Variants in SNRPB observed in about 807,000 individuals in gnomAD.
The protein encoded by SNRPB is small nuclear ribonucleoprotein-associated proteins B and B'.
Under a neutral mutation model 26.6 loss-of-function variants are expected in SNRPB, and 5 were observed. That is an observed-to-expected ratio of 0.19 (90% CI 0.10 to 0.39). The LOEUF is 0.39. SNRPB is among the 10% of genes least tolerant of loss of function. The probability of loss-of-function intolerance (pLI) is 1.00; values close to 1 mark genes in which losing one functional copy is unlikely to be tolerated. For missense variants in SNRPB, 211 were observed against 311.9 expected, an observed-to-expected ratio of 0.68 and a Z score of 2.44; for synonymous variants, 122 against 105.8, an observed-to-expected ratio of 1.15 and a Z score of -0.94.
At chr20:2,470,345 A>T (rs551130557) in intron 1 of SNRPB, among the ~76,000 whole-genome samples, 2 of 152,226 alleles carry the variant, frequency 1.3e-5, no homozygotes, top group Non-Finnish European at 1.5e-5. Flanking sequence ...CTGCGGCTCC[A>T]GTGCCTGCTC....
At position 2,463,690 on chromosome 20, in the gene SNRPB, C is replaced by A; in HGVS notation, c.420+57G>T. 1 of 1,305,130 alleles carries A rather than the reference C, an allele frequency of 7.7e-7. No individual in the cohort carries two copies. The allele number at this position is 1,305,130 out of a possible 1,614,324, so 80.8% of individuals were successfully genotyped here. On this transcript the variant is annotated intron_variant, in intron 4 of 6. Transcript: ENST00000381342. This position sits in a 1 kb window ranked among gnomAD's most constrained non-coding sequence, Gnocchi z 5.0. ...GGACCCTTTTAAAACTATGGACCCT[C>A]CCCTTTATCCTTTATTTTAGCCACC...
Position 2,463,232 on chromosome 20 carries a change from G to A in SNRPB, c.421-5C>T. On this transcript the variant is annotated splice_region_variant and splice_polypyrimidine_tract_variant and intron_variant, in intron 4 of 6. Transcript: ENST00000381342. This position sits in a 1 kb window ranked among gnomAD's most constrained non-coding sequence, Gnocchi z 5.0. ...TCTTCCTTGTGGGGTCATCACCTAAGAGGACATAAGAAGAAAGAGTTAGAA... is the reference window on the plus strand; with the variant it reads ...TCTTCCTTGTGGGGTCATCACCTAAAAGGACATAAGAAGAAAGAGTTAGAA... 1 of 1,608,602 alleles carries A rather than the reference G, an allele frequency of 6.2e-7. No homozygotes were observed. Among genetic ancestry groups the A allele is most frequent in the Non-Finnish European group, 8.5e-7 (1 of 1,175,192 alleles).
At chr20:2,468,164 G>A (rs1033208154) in intron 1 of SNRPB, among the ~76,000 whole-genome samples, 10 of 152,168 alleles carry the variant, frequency 6.6e-5, no homozygotes, top group African/African-American at 2.2e-4. Flanking sequence ...ACTGAGTAAA[G>A]GAAGAGCTAG....
chr20:2,468,564 A>G (rs1281196471), intron 1 of SNRPB, among the ~76,000 whole-genome samples: 1 of 152,228 alleles, frequency 6.6e-6, no homozygotes, highest in African/African-American at 2.4e-5. Flanking sequence ...AGTGCCTTCT[A>G]TGGACATCTG....
At chr20:2,470,634 C>G in intron 1 of SNRPB, 54 bp downstream of exon 1, 1 of 1,611,800 alleles carries the variant, frequency 6.2e-7, no homozygotes, top group Non-Finnish European at 8.5e-7. Flanking sequence ...GTCGCGGTTC[C>G]CACTCCACAA....
chr20:2,465,578 A>G, intron 3 of SNRPB, 130 bp downstream of exon 3: 2 of 653,730 alleles, frequency 3.1e-6, no homozygotes, highest in Non-Finnish European at 5.4e-6. Context: ...TTAAGATTTC[A>G]TTTATTATCT....
At chr20:2,467,058 C>A (rs1361706604) in intron 2 of SNRPB, 3 of 291,348 alleles carry the variant, frequency 1.0e-5, no homozygotes, top group South Asian at 2.7e-5. Flanking sequence ...AGCTTAAGAT[C>A]TGTGAGACTC....
chr20:2,468,643 T>C (rs558512280), intron 1 of SNRPB, among the ~76,000 whole-genome samples: 6 of 152,214 alleles, frequency 3.9e-5, no homozygotes, highest in Admixed American at 2.0e-4. Context: ...CTTGACTCCA[T>C]GGCCGGGCTC....
chr20:2,461,768 T>C lies in SNRPB; in HGVS notation c.*161A>G, dbSNP rs2085035027. The C allele has an allele frequency of 6.2e-7, 1 of 1,608,292 alleles. No homozygotes were observed. The highest frequency in any genetic ancestry group is 8.5e-7 in the Non-Finnish European group (1 of 1,176,902). On this transcript the variant is annotated 3_prime_UTR_variant, in exon 7 of 7. Coordinates refer to ENST00000381342, the MANE Select transcript of SNRPB (RefSeq NM_003091.4). ...GGCCAAGATGAGTCTAGGGCCTTGG[T>C]GGGCGCATTCCCGGGGGAGGGGGCC...
At chr20:2,468,106 T>C (rs2085086589) in intron 1 of SNRPB, among the ~76,000 whole-genome samples, 2 of 152,216 alleles carry the variant, frequency 1.3e-5, no homozygotes, top group South Asian at 2.1e-4. Flanking sequence ...GTGCAGATTA[T>C]AGATATGTGA....
Position 2,461,745 on chromosome 20 carries a change from C to A in SNRPB, c.*184G>T. The A allele has an allele frequency of 6.3e-7, 1 of 1,586,404 alleles. No individual in the cohort carries two copies. Among genetic ancestry groups the A allele is most frequent in the South Asian group, 1.2e-5 (1 of 86,928 alleles). On this transcript the variant is annotated 3_prime_UTR_variant, in exon 7 of 7. Coordinates refer to ENST00000381342, the MANE Select transcript of SNRPB (RefSeq NM_003091.4). ...GAAACAGGCAGGGAGCTGAGGAGGG[C>A]CAAGATGAGTCTAGGGCCTTGGTGG...
At chr20:2,467,114 G>A in intron 2 of SNRPB, 1 of 313,012 alleles carries the variant, frequency 3.2e-6, no homozygotes, top group South Asian at 2.4e-5. Flanking sequence ...TAGCAAAGTA[G>A]ACAATATCTC....
rs1395032686 is a variant in SNRPB at position 2,463,842 on chromosome 20, C to A, written c.325G>T (p.Ala109Ser). Residue 109 changes from alanine to serine, a missense_variant, in exon 4 of 7, where the codon GCT becomes TCT. Physicochemically the swap from Ala to Ser is moderately conservative, Grantham distance 99. Coordinates refer to ENST00000381342, the MANE Select transcript of SNRPB (RefSeq NM_003091.4). The surrounding 1 kb of genome is among the most constrained non-coding windows in gnomAD (Gnocchi z 5.0). The part of the protein sequence containing the change: ...GAAGGPGIGR[A>S]AGRGIPAGVP... ...CCAGCTGGGATTCCTCTGCCAGCAG[C>A]CCTGCCGATCCCTGGGCCCCCGGCA... 6.2e-7 allele frequency: 1 copy of A among 1,613,436 alleles called. No homozygotes were observed. The highest frequency in any genetic ancestry group is 1.1e-5 in the South Asian group (1 of 91,042).
rs1487597681 is a variant in SNRPB at position 2,463,400 on chromosome 20, T to C, written c.421-173A>G. Among the ~76,000 whole-genome samples the C allele has an allele frequency of 6.6e-6, 1 of 152,194 alleles. No individual in the cohort carries two copies. The highest frequency in any genetic ancestry group is 1.5e-5 in the Non-Finnish European group (1 of 68,032). On this transcript the variant is annotated intron_variant, in intron 4 of 6. Transcript: ENST00000381342. The surrounding 1 kb of genome is among the most constrained non-coding windows in gnomAD (Gnocchi z 5.0). ...ACCACATGTCGGGAAAGATCAAGCT[T>C]GAATGCCCAACTCCCATCTTCTAGA...
Sources: gnomAD v4.1 joint callset for allele counts (sites outside exome capture counted in the v4.1 genomes callset) on GRCh38, gnomAD v4.1.1 for gene constraint, Gnocchi (gnomAD v3.1) non-coding constraint, MANE v1.5 for transcripts, NCBI Gene and HGNC (gene_info 2026-07-23, HGNC 2026-07-21) for gene names.